Variants in TMIGD3 observed in about 807,000 individuals in gnomAD.
TMIGD3 encodes the protein AD026 protein (AD026).
In TMIGD3, 21 loss-of-function variants were observed where a neutral mutation model predicts 28.1. The ratio of observed to expected loss-of-function variants is 0.75; its 90% CI spans 0.53 to 1.08. The LOEUF (loss-of-function observed/expected upper bound fraction) is 1.08, where lower values mean the gene tolerates loss of function less well. TMIGD3 is among the 50% of genes least tolerant of loss of function. The pLI is 0.00. For synonymous variants in TMIGD3, 151 were observed against 162.1 expected (o/e 0.93, Z 0.52); for missense variants, 416 against 435.6 (o/e 0.96, Z 0.40).
chr1:111,507,029 GTGTGTGTGTGTATATA>G (rs1469280616), upstream of TMIGD3, among the ~76,000 whole-genome samples: 2 of 36,372 alleles, frequency 5.5e-5, no homozygotes, highest in Non-Finnish European at 1.7e-4. Flanking sequence ...GTGTGTGTGT[GTGTGTGTGTGTATATA>G]TATATATATA....
At chr1:111,532,529 C>T (rs111453287) in intron 1 of TMIGD3, among the ~76,000 whole-genome samples, 12,481 of 152,216 alleles carry the variant, frequency 0.082, 710 homozygotes, top group Middle Eastern at 0.14. Flanking sequence ...GTGGCTCACA[C>T]CTGTAATCCA....
chr1:111,488,063 C>T (rs951870973), intron 3 of TMIGD3, among the ~76,000 whole-genome samples: 1 of 152,116 alleles, frequency 6.6e-6, no homozygotes, highest in East Asian at 1.9e-4. Context: ...CCTCAGCCTC[C>T]CAAACTGCTG....
In TMIGD3 at chr1:111,483,620, G is replaced by A; in HGVS notation, c.*67C>T. ...GATCAGAATCAGTCTCTGAGGTGTG[G>A]GCCAGTTGTCATGGTGATTATTCTG... On this transcript the variant is annotated 3_prime_UTR_variant, in exon 6 of 6. Transcript: ENST00000369716. 7.9e-7 allele frequency: 1 copy of A among 1,263,832 alleles called. No individual in the cohort carries two copies. The highest frequency in any genetic ancestry group is 1.1e-6 in the Non-Finnish European group (1 of 870,474). 78.3% of individuals were successfully genotyped at this position (1,263,832 alleles called of 1,614,324 possible).
At chr1:111,502,424 AGGATACATATATT>A in intron 1 of TMIGD3, among the ~76,000 whole-genome samples, 1 of 141,716 alleles carries the variant, frequency 7.1e-6, no homozygotes, top group Non-Finnish European at 1.5e-5. Flanking sequence ...GAATATATAT[AGGATACATATATT>A]TATTATAATG....
intron 1 of TMIGD3, among the ~76,000 whole-genome samples, chr1:111,544,469 T>C (rs1656963949): frequency 6.6e-6 from 1 of 152,216 alleles, no homozygotes; most frequent in African/African-American, 2.4e-5. Context: ...CAGTCTTTTG[T>C]GTCTAACTTA....
chr1:111,555,688 G>T (rs948134521), intron 1 of TMIGD3, among the ~76,000 whole-genome samples: 1 of 152,076 alleles, frequency 6.6e-6, no homozygotes, highest in Non-Finnish European at 1.5e-5. Flanking sequence ...TTCAACAAAT[G>T]GTGTTGGGAA....
At chr1:111,494,279 T>C (rs771182482) in intron 1 of TMIGD3, among the ~76,000 whole-genome samples, 4 of 152,210 alleles carry the variant, frequency 2.6e-5, no homozygotes, top group Admixed American at 6.5e-5. Context: ...ACTATCCATG[T>C]TTCTGGATGA....
intron 1 of TMIGD3, among the ~76,000 whole-genome samples, chr1:111,552,647 C>A (rs919604115): frequency 1.3e-5 from 2 of 152,160 alleles, no homozygotes; most frequent in African/African-American, 2.4e-5. Flanking sequence ...ATCACTACCA[C>A]CACCAGGCAG....
Position 111,500,568 on chromosome 1 carries a change from AAG to A in TMIGD3, c.350+2435_350+2436del, listed in dbSNP as rs779388073. On this transcript the variant is annotated intron_variant, in intron 1 of 5. Transcript: ENST00000369716. The stretch of plus-strand genomic sequence containing the variant: ...TGACCCTCTTGTATCTGTGTGAATG[AAG>A]AGAGTCAGTGAGTCCACAGCAGTAA... The A allele has an allele frequency of 2.5e-5, 40 of 1,612,362 alleles. No individual in the cohort carries two copies. The East Asian group carries it at 8.5e-4, about 34-fold the overall frequency.
intron 3 of TMIGD3, among the ~76,000 whole-genome samples, chr1:111,488,212 G>A (rs760266471): frequency 1.3e-4 from 19 of 150,762 alleles, no homozygotes; most frequent in Admixed American, 5.9e-4. Flanking sequence ...ATTCTAGACC[G>A]ACAAGGCACA....
At chr1:111,520,516 A>G (rs1221108192) in intron 1 of TMIGD3, among the ~76,000 whole-genome samples, 3 of 152,250 alleles carry the variant, frequency 2.0e-5, no homozygotes, top group African/African-American at 4.8e-5. Flanking sequence ...AACCAGGTGA[A>G]TAGAAGGGGA....
At chr1:111,490,471 T>C (rs1654602232) in intron 2 of TMIGD3, 185 bp downstream of exon 2, 2 of 582,026 alleles carry the variant, frequency 3.4e-6, no homozygotes, top group Non-Finnish European at 3.1e-6. Flanking sequence ...CAAACTCTCT[T>C]ATCTGAGCTA....
In TMIGD3 at chr1:111,496,797, C is replaced by G. The variant is rs143794296; in HGVS notation, c.351-6035G>C. The stretch of plus-strand genomic sequence containing the variant: ...CTACCTTTGAGTCTCTGCCAAAATG[C>G]AAGTGACTACAGCTGACCTCCTTGC... On this transcript the variant is annotated intron_variant, in intron 1 of 5. Transcript: ENST00000369716. Among the ~76,000 whole-genome samples the G allele has an allele frequency of 6.8e-4, 104 of 152,332 alleles. 3 individuals are homozygous for G. The East Asian group carries it at 0.017, about 25-fold the overall frequency.
intron 1 of TMIGD3, among the ~76,000 whole-genome samples, chr1:111,559,744 A>G (rs1405683105): frequency 6.6e-6 from 1 of 152,196 alleles, no homozygotes; most frequent in African/African-American, 2.4e-5. Flanking sequence ...TGACTGCTTC[A>G]TTTAAAACTT....
At chr1:111,533,439 CT>C (rs1345654364) in intron 1 of TMIGD3, among the ~76,000 whole-genome samples, 2 of 152,178 alleles carry the variant, frequency 1.3e-5, no homozygotes, top group African/African-American at 4.8e-5. Flanking sequence ...TTAAAATATC[CT>C]TTCCCATCCT....
chr1:111,540,030 G>A (rs575399852), intron 1 of TMIGD3, among the ~76,000 whole-genome samples: 4 of 152,142 alleles, frequency 2.6e-5, no homozygotes, highest in Admixed American at 2.0e-4. Context: ...CAGATACACA[G>A]GGAAACTGAA....
intron 1 of TMIGD3, among the ~76,000 whole-genome samples, chr1:111,501,564 G>A (rs1340324705): frequency 7.2e-5 from 11 of 152,114 alleles, no homozygotes; most frequent in East Asian, 1.9e-4. Context: ...ATATGTTAAC[G>A]CATTTCATTT....
At chr1:111,511,619 C>T (rs1286337683) in intron 1 of TMIGD3, among the ~76,000 whole-genome samples, 2 of 151,898 alleles carry the variant, frequency 1.3e-5, no homozygotes, top group African/African-American at 2.4e-5. Context: ...GCATTTTTAC[C>T]TATAACAACC....
chr1:111,543,205 T>A (rs1656908156), intron 1 of TMIGD3, among the ~76,000 whole-genome samples: 1 of 152,160 alleles, frequency 6.6e-6, no homozygotes. Context: ...ATATTTTCAC[T>A]GATGAAAGAT....
Sources: allele counts gnomAD v4.1 joint callset (sites outside exome capture counted in the v4.1 genomes callset), GRCh38; gene constraint gnomAD v4.1.1; transcripts MANE v1.5; gene names NCBI Gene and HGNC (gene_info 2026-07-23, HGNC 2026-07-21).